WWP1: variants seen among roughly 807,000 people sequenced by gnomAD.
WWP1 encodes NEDD4-like E3 ubiquitin-protein ligase WWP1.
WWP1 carries 49 observed loss-of-function variants against 130.6 expected under a neutral mutation model. The ratio of observed to expected loss-of-function variants is 0.38; its 90% CI spans 0.30 to 0.48. The LOEUF (loss-of-function observed/expected upper bound fraction) is 0.48, where lower values mean the gene tolerates loss of function less well. WWP1 is among the 20% of genes least tolerant of loss of function. The pLI is 0.99. For synonymous variants in WWP1, 332 were observed against 367.8 expected (o/e 0.90, Z 1.11); for missense variants, 809 against 1,100.6 (o/e 0.74, Z 3.75).
chr8:86,421,063 G>A (rs1255274301), intron 9 of WWP1, among the ~76,000 whole-genome samples: 1 of 152,118 alleles, frequency 6.6e-6, no homozygotes, highest in Non-Finnish European at 1.5e-5. Context: ...TTCCTGACAG[G>A]CCTTTAAAAT....
chr8:86,390,245 A>G (rs1807218635), intron 5 of WWP1, among the ~76,000 whole-genome samples: 1 of 145,742 alleles, frequency 6.9e-6, no homozygotes, highest in Admixed American at 6.8e-5. Flanking sequence ...CTCACATCCC[A>G]GACGACGGGC....
In WWP1 at chr8:86,467,345, G is replaced by C. The variant is rs936993335; in HGVS notation, c.*452G>C. ...TCTCCTGAGGGTGTTTAGTTGCATG[G>C]CTGTTCAGAAAGGTATTAAGGGCTT... On this transcript the variant is annotated 3_prime_UTR_variant, in exon 25 of 25. Transcript: ENST00000517970. The C allele has an allele frequency of 2.0e-5, 3 of 152,906 alleles. No homozygotes were observed. Among genetic ancestry groups the C allele is most frequent in the African/African-American group, 7.3e-5 (3 of 41,334 alleles). The allele number at this position is 152,906 out of a possible 1,614,324, so 9.5% of individuals were successfully genotyped here.
chr8:86,366,159 G>A, intron 1 of WWP1, among the ~76,000 whole-genome samples: 1 of 152,200 alleles, frequency 6.6e-6, no homozygotes, highest in South Asian at 2.1e-4. Flanking sequence ...AATTCTAAGG[G>A]AAGAGTGCAG....
At chr8:86,406,946 C>G (rs1042508935) in intron 8 of WWP1, among the ~76,000 whole-genome samples, 3 of 152,072 alleles carry the variant, frequency 2.0e-5, no homozygotes, top group Non-Finnish European at 2.9e-5. Context: ...AGGGTGAGGA[C>G]AAATACGTGG....
intron 20 of WWP1, among the ~76,000 whole-genome samples, chr8:86,450,693 G>T (rs1343411498): frequency 1.3e-5 from 2 of 152,150 alleles, no homozygotes; most frequent in African/African-American, 4.8e-5. Flanking sequence ...ACAGACTTTA[G>T]TCTTGTTTTT....
At chr8:86,403,150 G>A (rs1383444678) in intron 8 of WWP1, among the ~76,000 whole-genome samples, 1 of 152,164 alleles carries the variant, frequency 6.6e-6, no homozygotes, top group African/African-American at 2.4e-5. Flanking sequence ...TAGCACACAT[G>A]TTGGGAATTA....
intron 4 of WWP1, 98 bp downstream of exon 4, chr8:86,380,962 AT>A: frequency 2.2e-6 from 3 of 1,342,388 alleles, no homozygotes; most frequent in Non-Finnish European, 2.9e-6. Context: ...GTAATGAGTG[AT>A]TTTTTTAAAG....
chr8:86,346,355 G>A (rs368501883), intron 1 of WWP1, among the ~76,000 whole-genome samples: 7 of 152,172 alleles, frequency 4.6e-5, no homozygotes, highest in South Asian at 2.1e-4. Flanking sequence ...CCCGGGAGGC[G>A]GAGCTTGTAG....
At chr8:86,414,887 C>CTCCTCCCCCCCCCCCCCCCCCCT (rs112910380) in intron 9 of WWP1, among the ~76,000 whole-genome samples, 1 of 129,810 alleles carries the variant, frequency 7.7e-6, no homozygotes, top group African/African-American at 3.1e-5. Context: ...AATCCCCCCC[C>CTCCTCCCCCCCCCCCCCCCCCCT]CATCCCCCCA....
intron 1 of WWP1, among the ~76,000 whole-genome samples, chr8:86,363,794 C>CA (rs375454489): frequency 0.14 from 7,726 of 56,616 alleles, 389 homozygotes; most frequent in Non-Finnish European, 0.17. Flanking sequence ...GACTCCATCT[C>CA]AAAAAAAAAA....
intron 3 of WWP1, among the ~76,000 whole-genome samples, chr8:86,375,575 T>C (rs1824593114): frequency 6.6e-6 from 1 of 152,228 alleles, no homozygotes; most frequent in African/African-American, 2.4e-5. Context: ...TTTTTAACTT[T>C]ACAGTATTAT....
intron 5 of WWP1, among the ~76,000 whole-genome samples, chr8:86,394,214 C>T (rs1448755137): frequency 6.6e-6 from 1 of 152,178 alleles, no homozygotes; most frequent in Non-Finnish European, 1.5e-5. Flanking sequence ...ATGTTTTCAA[C>T]AAATCCATGA....
intron 5 of WWP1, among the ~76,000 whole-genome samples, chr8:86,395,141 T>G (rs573722324): frequency 6.6e-6 from 1 of 152,048 alleles, no homozygotes; most frequent in Non-Finnish European, 1.5e-5. Flanking sequence ...TTAGGACGTA[T>G]CATCAAACCA....
chr8:86,360,173 A>C (rs1283303189), intron 1 of WWP1, among the ~76,000 whole-genome samples: 2 of 152,054 alleles, frequency 1.3e-5, no homozygotes, highest in Non-Finnish European at 2.9e-5. Flanking sequence ...AACCAAACCA[A>C]TCCTCTAAAC....
chr8:86,432,846 G>A (rs1052457006), intron 14 of WWP1, among the ~76,000 whole-genome samples: 28 of 152,192 alleles, frequency 1.8e-4, no homozygotes, highest in African/African-American at 6.8e-4. Context: ...GACCTCAGGC[G>A]ATCCACCTGC....
chr8:86,400,924 G>T (rs1201766072), intron 7 of WWP1, among the ~76,000 whole-genome samples: 6 of 151,944 alleles, frequency 3.9e-5, no homozygotes. Context: ...GCTGCTCTGT[G>T]GAGAGCAGTT....
chr8:86,437,690 A>G (rs1416363603), intron 16 of WWP1, among the ~76,000 whole-genome samples: 1 of 152,238 alleles, frequency 6.6e-6, no homozygotes, highest in African/African-American at 2.4e-5. Flanking sequence ...GACTACCCCA[A>G]AACTGAATTA....
At chr8:86,393,090 A>T (rs578077579) in intron 5 of WWP1, among the ~76,000 whole-genome samples, 3 of 152,098 alleles carry the variant, frequency 2.0e-5, no homozygotes, top group Non-Finnish European at 4.4e-5. Flanking sequence ...ATCATTTATG[A>T]TTGTCTCATG....
At chr8:86,441,916 G>A (rs1167825450) in intron 17 of WWP1, among the ~76,000 whole-genome samples, 1 of 152,120 alleles carries the variant, frequency 6.6e-6, no homozygotes, top group African/African-American at 2.4e-5. Context: ...GGTTTATCTT[G>A]TAATACCTTT....
Sources: gnomAD v4.1 joint callset for allele counts (sites outside exome capture counted in the v4.1 genomes callset) on GRCh38, gnomAD v4.1.1 for gene constraint, MANE v1.5 for transcripts, NCBI Gene and HGNC (gene_info 2026-07-23, HGNC 2026-07-21) for gene names.